ANKFN1: variants seen among roughly 807,000 people sequenced by gnomAD.
The protein encoded by ANKFN1 is ankyrin repeat and fibronectin type III domain containing 1, also known as ankyrin repeat and fibronectin type-III domain-containing protein 1.
A neutral mutation model predicts 108.7 loss-of-function variants in ANKFN1; 74 were observed. That is an observed-to-expected ratio of 0.68 (90% CI 0.56 to 0.83). The LOEUF (loss-of-function observed/expected upper bound fraction) is 0.83. Among genes scored for constraint, ANKFN1 ranks in the 40% least tolerant of loss-of-function variants. The pLI, the probability that ANKFN1 is intolerant of heterozygous loss-of-function variation, is 0.00. For missense variants in ANKFN1, 1,505 were observed against 1,382.3 expected (o/e 1.09, Z -1.41); for synonymous variants, 547 against 516.2 (o/e 1.06, Z -0.81).
chr17:56,268,174 C>G (rs375127850), intron 3 of ANKFN1, among the ~76,000 whole-genome samples: 9 of 152,126 alleles, frequency 5.9e-5, no homozygotes, highest in African/African-American at 2.2e-4. Context: ...TCACCACACG[C>G]TTGGCCATAA....
rs1289647794 is a variant in ANKFN1 at position 56,467,787 on chromosome 17, GAAAGAAGAAAGAAAGAAAGA to G, written c.1773+1219_1773+1238del. Among the ~76,000 whole-genome samples the G allele has an allele frequency of 5.9e-3, 442 of 75,260 alleles. 3 individuals carry two copies. The highest frequency in any genetic ancestry group is 0.017 in the Middle Eastern group (3 of 174). The allele number at this position is 75,260 out of a possible 152,430, so 49.4% of individuals were successfully genotyped here. On this transcript the variant is annotated intron_variant, in intron 15 of 20. Coordinates refer to ENST00000682825, the MANE Select transcript of ANKFN1 (RefSeq NM_001370326.1). ...AGAAAGAAAGAAAGAAAGAAAGAAA[GAAAGAAGAAAGAAAGAAAGA>G]AAGAAAGAAAGAAAGAAAGAAAGAA...
chr17:56,073,606 T>C (rs1399566921), intron 4 of ANKFN1, among the ~76,000 whole-genome samples: 1 of 152,256 alleles, frequency 6.6e-6, no homozygotes. Flanking sequence ...CACCTATGTA[T>C]AGTTTCAAAA....
At chr17:56,326,481 T>G in intron 4 of ANKFN1, 126 bp downstream of exon 4, 1 of 1,209,912 alleles carries the variant, frequency 8.3e-7, no homozygotes, top group Non-Finnish European at 1.1e-6. Context: ...CTTCCAAAGT[T>G]AGCTGCAGGT....
chr17:56,375,607 T>G (rs1252628269), intron 8 of ANKFN1, among the ~76,000 whole-genome samples: 1 of 152,080 alleles, frequency 6.6e-6, no homozygotes, highest in Admixed American at 6.6e-5. Context: ...GTGTATGATT[T>G]ATTGAGAGAA....
At chr17:56,304,261 A>G (rs552314293) in intron 3 of ANKFN1, among the ~76,000 whole-genome samples, 1 of 152,190 alleles carries the variant, frequency 6.6e-6, no homozygotes, top group Non-Finnish European at 1.5e-5. Context: ...ATAGTATGTA[A>G]CGTTTTAATG....
At chr17:56,284,251 C>A (rs1040898572) in intron 3 of ANKFN1, among the ~76,000 whole-genome samples, 10 of 152,168 alleles carry the variant, frequency 6.6e-5, no homozygotes, top group African/African-American at 2.2e-4. Context: ...TGGGAAATTT[C>A]TGTGGGAAAA....
chr17:56,457,571 G>A lies in ANKFN1; in HGVS notation c.1440+182G>A, dbSNP rs528596591. 5.3e-5 allele frequency among the ~76,000 whole-genome samples: 8 copies of A among 152,264 alleles called. No individual in the cohort carries two copies. In the South Asian group the frequency reaches 1.7e-3, roughly 32 times the overall value. Reference sequence around the variant, plus strand: ...ATTTTAAAAAGCACCAAAGTAACGTGTGCGCTACATTTTCAAAGCAAAGAG... The same window carrying A: ...ATTTTAAAAAGCACCAAAGTAACGTATGCGCTACATTTTCAAAGCAAAGAG... On this transcript the variant is annotated intron_variant, in intron 13 of 20. Transcript: ENST00000682825.
chr17:56,384,581 T>C lies in ANKFN1; in HGVS notation c.910+9867T>C, dbSNP rs528798959. ...ATGACTGCATATCTAGAAAACCCCA[T>C]TGTCTCAGCCCAAAATCTCAGGGCT... On this transcript the variant is annotated intron_variant, in intron 8 of 20. Transcript: ENST00000682825. Among the ~76,000 whole-genome samples, 4 of 152,326 alleles carry C rather than the reference T, an allele frequency of 2.6e-5. No homozygotes were observed. In the South Asian group the frequency reaches 8.3e-4, roughly 32 times the overall value.
At chr17:56,078,113 C>G (rs1471863897) in intron 4 of ANKFN1, among the ~76,000 whole-genome samples, 2 of 152,104 alleles carry the variant, frequency 1.3e-5, no homozygotes, top group Non-Finnish European at 2.9e-5. Flanking sequence ...AGTAAGACAC[C>G]TGTGGTAGGC....
At chr17:56,382,426 G>T (rs987259185) in intron 8 of ANKFN1, among the ~76,000 whole-genome samples, 1 of 152,080 alleles carries the variant, frequency 6.6e-6, no homozygotes, top group Non-Finnish European at 1.5e-5. Flanking sequence ...ATCAACTAAC[G>T]AGCAAAATCA....
In ANKFN1 at chr17:56,157,847, T is replaced by C. The variant is rs148597548; in HGVS notation, c.-71+4317T>C. Among the ~76,000 whole-genome samples, 241 of 152,344 alleles carry C rather than the reference T, an allele frequency of 1.6e-3. 2 individuals are homozygous for C. Among genetic ancestry groups the C allele is most frequent in the African/African-American group, 5.7e-3 (238 of 41,590 alleles). The stretch of plus-strand genomic sequence containing the variant: ...GATTGGATACGTGGAATCCGAATTT[T>C]AGCTTTACCGGTACCTGTTCCTCTC... On this transcript the variant is annotated intron_variant, in intron 1 of 20. Transcript: ENST00000682825.
intron 3 of ANKFN1, among the ~76,000 whole-genome samples, chr17:56,284,753 C>T (rs908279701): frequency 3.9e-5 from 6 of 152,150 alleles, no homozygotes; most frequent in African/African-American, 1.4e-4. Flanking sequence ...TCAAATCTGG[C>T]ATAAGAACAG....
rs943564638 is a variant in ANKFN1, at chr17:56,350,533, C to G, written c.189-233C>G. On this transcript the variant is annotated intron_variant, in intron 4 of 20. Transcript: ENST00000682825. The stretch of plus-strand genomic sequence containing the variant: ...TGTTTATATAGTAAATGGAGGTTGT[C>G]GTTTCATTCCTGCCACCAATTAGCT... Among the ~76,000 whole-genome samples, 6 of 152,062 alleles carry G rather than the reference C, an allele frequency of 3.9e-5. 1 individual carries two copies. The highest frequency in any genetic ancestry group is 2.9e-5 in the Non-Finnish European group (2 of 68,014).
chr17:56,277,737 T>G (rs2043971091), intron 3 of ANKFN1, among the ~76,000 whole-genome samples: 1 of 152,170 alleles, frequency 6.6e-6, no homozygotes, highest in Admixed American at 6.5e-5. Context: ...TTTATCTAGC[T>G]CACTCACTGC....
At chr17:56,285,336 C>T (rs1206549272) in intron 3 of ANKFN1, among the ~76,000 whole-genome samples, 1 of 152,136 alleles carries the variant, frequency 6.6e-6, no homozygotes, top group Non-Finnish European at 1.5e-5. Flanking sequence ...ATTTAAGAAT[C>T]TAGAGCTACC....
chr17:56,374,745 C>G (rs1354372930), intron 8 of ANKFN1, 31 bp downstream of exon 8: 7 of 1,527,950 alleles, frequency 4.6e-6, no homozygotes, highest in African/African-American at 1.4e-5. Flanking sequence ...TTTCATCACT[C>G]CTTCTTAAAA....
chr17:56,357,296 C>T (rs895524569), intron 6 of ANKFN1, among the ~76,000 whole-genome samples: 1 of 152,158 alleles, frequency 6.6e-6, no homozygotes, highest in African/African-American at 2.4e-5. Flanking sequence ...TCACACTAAC[C>T]CTACAGGATA....
At chr17:56,100,905 A>G (rs1263453646) in intron 4 of ANKFN1, among the ~76,000 whole-genome samples, 1 of 152,210 alleles carries the variant, frequency 6.6e-6, no homozygotes, top group Non-Finnish European at 1.5e-5. Context: ...AGGGTTCTGT[A>G]CCATTGTTAT....
intron 15 of ANKFN1, among the ~76,000 whole-genome samples, chr17:56,476,046 G>A (rs914048716): frequency 2.2e-4 from 33 of 152,178 alleles, no homozygotes; most frequent in African/African-American, 7.7e-4. Flanking sequence ...AAGAGAGTGA[G>A]GCAGGAAGTG....
Sources: gnomAD v4.1 joint callset for allele counts (sites outside exome capture counted in the v4.1 genomes callset) on GRCh38, gnomAD v4.1.1 for gene constraint, MANE v1.5 for transcripts, NCBI Gene and HGNC (gene_info 2026-07-23, HGNC 2026-07-21) for gene names.